PFN1: variants seen among roughly 807,000 people sequenced by gnomAD.
PFN1 encodes profilin-1.
A neutral mutation model predicts 11.7 loss-of-function variants in PFN1; 2 were observed. That is an observed-to-expected ratio of 0.17 (90% confidence interval 0.07 to 0.54). The LOEUF (loss-of-function observed/expected upper bound fraction) is 0.54. Among genes scored for constraint, PFN1 ranks in the 20% least tolerant of loss-of-function variants. The pLI, the probability that PFN1 is intolerant of heterozygous loss-of-function variation, is 0.94. For synonymous variants in PFN1, 78 were observed against 76.2 expected, an observed-to-expected ratio of 1.02 and a Z score of -0.12; for missense variants, 97 against 188.4, an observed-to-expected ratio of 0.51 and a Z score of 2.84.
At chr17:4,948,083 T>C (rs1467446028) in intron 1 of PFN1, 180 bp downstream of exon 1, 3 of 610,284 alleles carry the variant, frequency 4.9e-6, no homozygotes, top group African/African-American at 2.0e-5. Context: ...GCCTGGGGCA[T>C]AGGACCTACG....
At position 4,945,699 on chromosome 17, in the gene PFN1, A is replaced by G. The variant is rs897558698; in HGVS notation, c.*201T>C. ...TCAGAAAAAAAAAACCCCAAAAAACAAAAGTTTTCCAACCACACACGGGAG... is the reference window on the plus strand; with the variant it reads ...TCAGAAAAAAAAAACCCCAAAAAACGAAAGTTTTCCAACCACACACGGGAG... On this transcript the variant is annotated 3_prime_UTR_variant, in exon 3 of 3. Transcript: ENST00000225655. 17 of 476,530 alleles carry G rather than the reference A, an allele frequency of 3.6e-5. No homozygotes were observed. Among genetic ancestry groups the G allele is most frequent in the East Asian group, 2.3e-4 (7 of 30,266 alleles). 29.5% of individuals were successfully genotyped at this position (476,530 alleles called of 1,614,324 possible).
In PFN1 at chr17:4,948,013, G is replaced by A; in HGVS notation, c.132+250C>T. ...CGGGCGCCGCGCCCCTCCCCGCCCT[G>A]TGCCCCGGATGTAACGCCCCGTCGC... On this transcript the variant is annotated intron_variant, in intron 1 of 2. Coordinates refer to ENST00000225655, the MANE Select transcript of PFN1 (RefSeq NM_005022.4). 7.1e-6 allele frequency: 3 copies of A among 424,822 alleles called. No individual in the cohort carries two copies. The South Asian group carries it at 1.2e-4, about 17-fold the overall frequency. 26.3% of individuals were successfully genotyped at this position (424,822 alleles called of 1,614,324 possible).
Position 4,945,948 on chromosome 17 carries a change from G to A in PFN1, c.375C>T (p.Asn125=). ...GGGAGGCCATTTCATAACATTTCTT[G>A]TTGATCAAACCACCGTGGACACCTT... ...GKEGVHGGLI[N]KKCYEMASHL... is the part of the protein sequence containing the mutation. The change falls in exon 3 of 3, where the codon AAC becomes AAT. Residue 125 remains asparagine (N), a synonymous_variant. Coordinates refer to ENST00000225655, the MANE Select transcript of PFN1 (RefSeq NM_005022.4). The A allele has an allele frequency of 3.1e-6, 5 of 1,613,668 alleles. No individual in the cohort carries two copies. The highest frequency in any genetic ancestry group is 4.2e-6 in the Non-Finnish European group (5 of 1,179,578).
rs778007949 is a variant in PFN1 at position 4,948,518 on chromosome 17, CT to C, written c.-125del. The C allele has an allele frequency of 2.7e-6, 3 of 1,118,030 alleles. No individual in the cohort carries two copies. The Admixed American group carries it at 1.1e-4, about 43-fold the overall frequency. 69.3% of individuals were successfully genotyped at this position (1,118,030 alleles called of 1,614,324 possible). ...GCACGCGCTGCCGTCCGGACCGCGG[CT>C]CCGCTCGCTGTGCAGCAGCCCTCGC... On this transcript the variant is annotated 5_prime_UTR_variant, in exon 1 of 3. Transcript: ENST00000225655.
In PFN1 at chr17:4,946,280, G is replaced by T; in HGVS notation, c.326-283C>A. The stretch of plus-strand genomic sequence containing the variant: ...TGTGTTCAGGCTAGAAAGGGCTGTG[G>T]ATGTGCATGCCACCTCCAGGTTCTA... On this transcript the variant is annotated intron_variant, in intron 2 of 2. Transcript: ENST00000225655. Among the ~76,000 whole-genome samples, 2 of 152,216 alleles carry T rather than the reference G, an allele frequency of 1.3e-5. 1 individual carries two copies. Among genetic ancestry groups the T allele is most frequent in the East Asian group, 3.8e-4 (2 of 5,206 alleles).
At chr17:4,946,379 C>T (rs977424118) in intron 2 of PFN1, among the ~76,000 whole-genome samples, 5 of 152,194 alleles carry the variant, frequency 3.3e-5, no homozygotes, top group African/African-American at 1.2e-4. Context: ...AAAACAGTTT[C>T]TAATCCGAGC....
At chr17:4,946,163 T>C (rs911961591) in intron 2 of PFN1, among the ~76,000 whole-genome samples, 166 bp from the exon 3 acceptor site, 5 of 107,466 alleles carry the variant, frequency 4.7e-5, no homozygotes, top group Admixed American at 1.5e-4. Context: ...CCTGAAACAA[T>C]AAGGCTTTTC....
chr17:4,946,901 C>T (rs1244621758), intron 1 of PFN1, 81 bp from the exon 2 acceptor site: 2 of 1,336,094 alleles, frequency 1.5e-6, no homozygotes, highest in Non-Finnish European at 2.1e-6. Flanking sequence ...CACCTGTCTT[C>T]CACTTCTGAG....
chr17:4,946,944 A>T, intron 1 of PFN1, 124 bp from the exon 2 acceptor site: 1 of 723,824 alleles, frequency 1.4e-6, no homozygotes, highest in East Asian at 2.6e-5. Context: ...AGTATAAATT[A>T]TATACTCAGT....
intron 2 of PFN1, 122 bp from the exon 3 acceptor site, chr17:4,946,119 C>T: frequency 1.5e-6 from 1 of 658,490 alleles, no homozygotes; most frequent in East Asian, 2.8e-5. Flanking sequence ...TCCCAACCCG[C>T]CCCCCCACCA....
In PFN1 at chr17:4,945,668, T is replaced by C; in HGVS notation, c.*232A>G. ...CACAGCACCTTGTTAGTAGAATCTT[T>C]TTTATTCAGAAAAAAAAAACCCCAA... is the stretch of plus-strand genomic sequence containing the variant. On this transcript the variant is annotated 3_prime_UTR_variant, in exon 3 of 3. Coordinates refer to ENST00000225655, the MANE Select transcript of PFN1 (RefSeq NM_005022.4). 4.5e-6 allele frequency: 2 copies of C among 443,970 alleles called. No individual in the cohort carries two copies. The highest frequency in any genetic ancestry group is 6.6e-5 in the South Asian group (2 of 30,318). 27.5% of individuals were successfully genotyped at this position (443,970 alleles called of 1,614,324 possible).
intron 1 of PFN1, chr17:4,947,178 C>G (rs559719601): frequency 7.5e-6 from 1 of 133,348 alleles, no homozygotes; most frequent in Non-Finnish European, 1.5e-5. Context: ...TCAGGAAAAG[C>G]AGAAGCGGAG....
chr17:4,946,614 A>G lies in PFN1; in HGVS notation c.325+14T>C, dbSNP rs112009460. ...ATCTTGGAGCTAAAGGAAGGGTAAG[A>G]CTCAGGAACTCACTCTTGTCAGTCT... On this transcript the variant is annotated intron_variant, in intron 2 of 2. Coordinates refer to ENST00000225655, the MANE Select transcript of PFN1 (RefSeq NM_005022.4). 6.3e-7 allele frequency: 1 copy of G among 1,594,174 alleles called. No individual in the cohort carries two copies. The highest frequency in any genetic ancestry group is 8.6e-7 in the Non-Finnish European group (1 of 1,168,618).
chr17:4,947,803 C>T (rs1030791030), intron 1 of PFN1, among the ~76,000 whole-genome samples: 2 of 152,146 alleles, frequency 1.3e-5, no homozygotes. Context: ...GGCAAGGGAC[C>T]AAGACCACGC....
Position 4,946,787 on chromosome 17 carries a change from G to T in PFN1, c.166C>A (p.Arg56=). 6.2e-7 allele frequency: 1 copy of T among 1,613,140 alleles called. No individual in the cohort carries two copies. Among genetic ancestry groups the T allele is most frequent in the South Asian group, 1.1e-5 (1 of 90,914 alleles). The change falls in exon 2 of 3, where the codon CGG becomes AGG. Residue 56 remains arginine (R), a synonymous_variant. Coordinates refer to ENST00000225655, the MANE Select transcript of PFN1 (RefSeq NM_005022.4). ...AGCCCATTCACGTAAAAACTTGACCGGTCTTTGCCAACCAGGACACCCACC... is the reference window on the plus strand; with the variant it reads ...AGCCCATTCACGTAAAAACTTGACCTGTCTTTGCCAACCAGGACACCCACC... ...AEVGVLVGKD[R]SSFYVNGLTL...
chr17:4,945,781 T>G lies in PFN1; in HGVS notation c.*119A>C. Reference sequence around the variant, plus strand: ...CAGCCCTGGCCCCCAGCCCATGTGGTTTTGGCAGCAATAAGGGGTATGGGG... The same window carrying G: ...CAGCCCTGGCCCCCAGCCCATGTGGGTTTGGCAGCAATAAGGGGTATGGGG... On this transcript the variant is annotated 3_prime_UTR_variant, in exon 3 of 3. Transcript: ENST00000225655. The G allele has an allele frequency of 1.5e-6, 1 of 665,212 alleles. No homozygotes were observed. The highest frequency in any genetic ancestry group is 1.8e-5 in the African/African-American group (1 of 55,872). 41.2% of individuals were successfully genotyped at this position (665,212 alleles called of 1,614,324 possible).
intron 1 of PFN1, 185 bp from the exon 2 acceptor site, chr17:4,947,005 GAAA>G: frequency 2.1e-6 from 1 of 480,782 alleles, no homozygotes; most frequent in Non-Finnish European, 3.6e-6. Flanking sequence ...CGTTAGTGCA[GAAA>G]AAGATCATGA....
At chr17:4,947,550 T>C (rs750915167) in intron 1 of PFN1, 1 of 146,118 alleles carries the variant, frequency 6.8e-6, no homozygotes, top group Non-Finnish European at 1.5e-5. Context: ...CCGGGCAGTG[T>C]GGACAGGGAG....
At chr17:4,947,257 G>A (rs1394277422) in intron 1 of PFN1, 1 of 152,968 alleles carries the variant, frequency 6.5e-6, no homozygotes, top group East Asian at 1.9e-4. Flanking sequence ...AGGTTCTGCA[G>A]GAGCTGTTAG....
Sources: allele counts gnomAD v4.1 joint callset (sites outside exome capture counted in the v4.1 genomes callset), GRCh38; gene constraint gnomAD v4.1.1; transcripts MANE v1.5; gene names NCBI Gene and HGNC (gene_info 2026-07-23, HGNC 2026-07-21).